Variants in EPHA6 observed in about 807,000 individuals in gnomAD.
EPHA6 encodes the protein EPH receptor A6, also known as ephrin type-A receptor 6.
In EPHA6, 50 loss-of-function variants were observed where a neutral mutation model predicts 112.0. That is an observed-to-expected ratio of 0.45 (90% CI 0.36 to 0.56). The LOEUF (loss-of-function observed/expected upper bound fraction) is 0.56. Among genes scored for constraint, EPHA6 ranks in the 20% least tolerant of loss-of-function variants. The pLI is 0.00. For synonymous variants in EPHA6, 529 were observed against 490.7 expected, an observed-to-expected ratio of 1.08 and a Z score of -1.03; for missense variants, 1,280 against 1,417.4, an observed-to-expected ratio of 0.90 and a Z score of 1.56.
chr3:96,869,515 C>T (rs2036516244), intron 2 of EPHA6, among the ~76,000 whole-genome samples: 1 of 151,780 alleles, frequency 6.6e-6, no homozygotes, highest in Non-Finnish European at 1.5e-5. Flanking sequence ...AATCATTTGG[C>T]CTGTAGGGTT....
intron 5 of EPHA6, among the ~76,000 whole-genome samples, chr3:97,376,067 C>G (rs2085332201): frequency 6.6e-6 from 1 of 152,004 alleles, no homozygotes; most frequent in African/African-American, 2.4e-5. Flanking sequence ...CATAAAAGCC[C>G]TTACTACACC....
intron 3 of EPHA6, among the ~76,000 whole-genome samples, chr3:97,099,036 T>A (rs943267576): frequency 6.6e-6 from 1 of 151,966 alleles, no homozygotes; most frequent in Non-Finnish European, 1.5e-5. Flanking sequence ...TAATAAAAAC[T>A]TTAAAAATAT....
intron 10 of EPHA6, among the ~76,000 whole-genome samples, chr3:97,507,877 G>T (rs574060886): frequency 1.6e-4 from 24 of 152,176 alleles, no homozygotes; most frequent in African/African-American, 5.3e-4. Flanking sequence ...CTTCTTCCTG[G>T]TTTAGCCTTG....
At chr3:97,318,860 C>T (rs991854745) in intron 5 of EPHA6, among the ~76,000 whole-genome samples, 1 of 151,744 alleles carries the variant, frequency 6.6e-6, no homozygotes, top group Non-Finnish European at 1.5e-5. Context: ...TGGTTTCTTT[C>T]AAGTGAACAT....
At chr3:97,209,842 A>G (rs2108511565) in intron 3 of EPHA6, among the ~76,000 whole-genome samples, 1 of 152,304 alleles carries the variant, frequency 6.6e-6, no homozygotes, top group African/African-American at 2.4e-5. Flanking sequence ...GTTTCGTCAA[A>G]ATGTTCAAAT....
intron 11 of EPHA6, among the ~76,000 whole-genome samples, chr3:97,563,557 G>A (rs1254108581): frequency 6.6e-6 from 1 of 152,140 alleles, no homozygotes; most frequent in Non-Finnish European, 1.5e-5. Context: ...ATTATCAGAT[G>A]TATACGTTCA....
chr3:97,644,919 C>T (rs970949832), intron 14 of EPHA6, among the ~76,000 whole-genome samples: 1 of 152,118 alleles, frequency 6.6e-6, no homozygotes, highest in Admixed American at 6.5e-5. Flanking sequence ...AAGAGGGAAT[C>T]CTCCCTAACT....
chr3:97,468,761 T>C (rs1170269232), intron 7 of EPHA6, among the ~76,000 whole-genome samples: 2 of 151,690 alleles, frequency 1.3e-5, no homozygotes, highest in African/African-American at 4.8e-5. Context: ...CCAAGGGCAT[T>C]TTATCCTTAT....
chr3:97,617,992 C>T (rs2093780826), intron 13 of EPHA6, among the ~76,000 whole-genome samples: 2 of 152,098 alleles, frequency 1.3e-5, no homozygotes, highest in Admixed American at 1.3e-4. Flanking sequence ...TTCTCGTCAC[C>T]ACATGGCACT....
intron 3 of EPHA6, among the ~76,000 whole-genome samples, chr3:97,074,970 C>T (rs1035467581): frequency 6.6e-6 from 1 of 151,812 alleles, no homozygotes; most frequent in Non-Finnish European, 1.5e-5. Context: ...TCAATGGTAC[C>T]GTGTTATCAG....
chr3:97,277,076 A>C (rs2080111551), intron 5 of EPHA6, among the ~76,000 whole-genome samples: 1 of 152,086 alleles, frequency 6.6e-6, no homozygotes, highest in African/African-American at 2.4e-5. Flanking sequence ...GGTCTGTAGA[A>C]AAGGAAGAAA....
rs554720403 is a variant in EPHA6 at position 96,952,123 on chromosome 3, C to G, written c.451-35207C>G. ...GTTCTCCATTGTACTAGGAAGAGAC[C>G]ATCATCATTCAGCATTCCTCACTAC... is the stretch of plus-strand genomic sequence containing the variant. On this transcript the variant is annotated intron_variant, in intron 2 of 17. Coordinates refer to ENST00000389672, the MANE Select transcript of EPHA6 (RefSeq NM_001080448.3). 2.0e-5 allele frequency among the ~76,000 whole-genome samples: 3 copies of G among 152,150 alleles called. No individual in the cohort carries two copies. In the South Asian group the frequency reaches 6.2e-4, roughly 32 times the overall value.
chr3:97,471,530 C>T (rs2091228084), intron 7 of EPHA6, among the ~76,000 whole-genome samples: 1 of 151,568 alleles, frequency 6.6e-6, no homozygotes, highest in Admixed American at 6.6e-5. Context: ...GAGCTTTGGT[C>T]CACTCAACTT....
At chr3:97,121,609 A>G (rs185214770) in intron 3 of EPHA6, among the ~76,000 whole-genome samples, 10 of 152,154 alleles carry the variant, frequency 6.6e-5, no homozygotes, top group African/African-American at 2.4e-4. Flanking sequence ...TTACCACGTG[A>G]TGGAGACCTT....
chr3:97,503,451 T>C (rs1001266250), intron 10 of EPHA6, among the ~76,000 whole-genome samples: 4 of 152,202 alleles, frequency 2.6e-5, no homozygotes, highest in African/African-American at 4.8e-5. Context: ...CCTAAGCCTC[T>C]TTTTCTGCTC....
intron 5 of EPHA6, among the ~76,000 whole-genome samples, chr3:97,260,689 A>G (rs2079472355): frequency 6.6e-6 from 1 of 152,188 alleles, no homozygotes; most frequent in Non-Finnish European, 1.5e-5. Flanking sequence ...TTAGGGTAGA[A>G]TACAGTTGTC....
At chr3:97,022,015 T>C (rs1278716324) in intron 3 of EPHA6, among the ~76,000 whole-genome samples, 1 of 152,150 alleles carries the variant, frequency 6.6e-6, no homozygotes, top group Non-Finnish European at 1.5e-5. Context: ...TCACTAAAAT[T>C]ACTATATACA....
At chr3:97,181,282 A>G (rs2076981884) in intron 3 of EPHA6, among the ~76,000 whole-genome samples, 1 of 151,954 alleles carries the variant, frequency 6.6e-6, no homozygotes, top group Admixed American at 6.6e-5. Context: ...GGGTTTTTTC[A>G]TCTCTTCAGT....
intron 12 of EPHA6, among the ~76,000 whole-genome samples, chr3:97,594,626 A>G (rs2093571803): frequency 2.6e-5 from 4 of 152,176 alleles, no homozygotes; most frequent in Admixed American, 2.6e-4. Context: ...TTCTTGTTCA[A>G]CTATAGCTTA....
Sources: gnomAD v4.1 joint callset for allele counts (sites outside exome capture counted in the v4.1 genomes callset) on GRCh38, gnomAD v4.1.1 for gene constraint, MANE v1.5 for transcripts, NCBI Gene and HGNC (gene_info 2026-07-23, HGNC 2026-07-21) for gene names.